GEMIN8: variants seen among roughly 807,000 people sequenced by gnomAD.
The protein encoded by GEMIN8 is gem nuclear organelle associated protein 8.
For synonymous variants in GEMIN8, 80 were observed against 78.5 expected (o/e 1.02, Z -0.10); for missense variants, 185 against 205.9 (o/e 0.90, Z 0.62).
At chrX:14,000,573 G>T in the GEMIN8 span, among the ~76,000 whole-genome samples, 5 of 107,513 alleles carry the variant, frequency 4.7e-5, no homozygotes, top group African/African-American at 1.7e-4. Flanking sequence ...CTCCAGCCTG[G>T]GTGACAGAGC....
At chrX:13,999,414 T>C in the GEMIN8 span, among the ~76,000 whole-genome samples, 1 of 109,460 alleles carries the variant, frequency 9.1e-6, no homozygotes, top group African/African-American at 3.3e-5. Context: ...GTAGCTGGGA[T>C]TACAGGCATG....
rs187471433 is a variant in GEMIN8 at position 14,024,283 on chromosome X, G to A, written c.-34+1857C>T. ...GGAGGCCGAGGTGGGTGGATCACCCGAGGTCAGGAGTTCAAGACCAGCCTG... is the reference window on the plus strand; with the variant it reads ...GGAGGCCGAGGTGGGTGGATCACCCAAGGTCAGGAGTTCAAGACCAGCCTG... On this transcript the variant is annotated intron_variant, in intron 2 of 4. Transcript: ENST00000680255. 6.4e-3 allele frequency among the ~76,000 whole-genome samples: 713 copies of A among 111,835 alleles called. 7 individuals carry two copies. Among genetic ancestry groups the A allele is most frequent in the African/African-American group, 0.022 (666 of 30,715 alleles).
rs750220396 is a variant in GEMIN8 at position 14,009,114 on chromosome X, G to A, written c.528C>T (p.His176=). 7 of 1,208,966 alleles carry A rather than the reference G, an allele frequency of 5.8e-6. No individual in the cohort carries two copies. Among genetic ancestry groups the A allele is most frequent in the Non-Finnish European group, 6.7e-6 (6 of 893,743 alleles). The change falls in exon 5 of 5, where the codon CAC becomes CAT. Residue 176 remains histidine (H), a synonymous_variant. Transcript: ENST00000680255. ...ACCGGCGGGTGTTGCAGTACAGGTC[G>A]TGGTCAGCGTTCACATAGCTGTCCA... The part of the protein sequence containing the change: ...ERLDSYVNAD[H]DLYCNTRRSV...
the GEMIN8 span, among the ~76,000 whole-genome samples, chrX:13,984,588 G>C: frequency 2.7e-4 from 30 of 111,453 alleles, 1 homozygote; most frequent in African/African-American, 9.9e-4. Context: ...GAAAAAATCT[G>C]CTGATCCCTG....
At chrX:14,021,262 G>T (rs1457432097) in intron 3 of GEMIN8, among the ~76,000 whole-genome samples, 1 of 73,479 alleles carries the variant, frequency 1.4e-5, no homozygotes, top group African/African-American at 5.2e-5. Flanking sequence ...GGGGGAGGGG[G>T]GAGGGATAGC....
At chrX:14,029,271 GAA>G (rs2147148583) in intron 1 of GEMIN8, 1 of 112,225 alleles carries the variant, frequency 8.9e-6, no homozygotes, top group African/African-American at 3.2e-5. Context: ...AGAAAAGAAA[GAA>G]ACCCGAATTT....
At chrX:14,011,389 G>T (rs1465452058) in intron 4 of GEMIN8, among the ~76,000 whole-genome samples, 2 of 110,890 alleles carry the variant, frequency 1.8e-5, no homozygotes, top group Non-Finnish European at 3.8e-5. Flanking sequence ...AGGAAAGGTA[G>T]AATTTGGCTA....
chrX:14,024,836 G>A (rs1277201120), intron 2 of GEMIN8, among the ~76,000 whole-genome samples: 4 of 111,915 alleles, frequency 3.6e-5, no homozygotes, highest in Non-Finnish European at 7.5e-5. Flanking sequence ...TGTTAATGAT[G>A]GAGTGCAAGA....
chrX:14,007,536 ATTG>A lies in GEMIN8; in HGVS notation c.*1374_*1376del, dbSNP rs1923226794. ...GCAGCAGTGACCAGGTTTGGGAATT[ATTG>A]TTCTTTTTTTTTTTTCTTTTGAGAT... On this transcript the variant is annotated 3_prime_UTR_variant, in exon 5 of 5. Transcript: ENST00000680255. Among the ~76,000 whole-genome samples, 1 of 109,370 alleles carries A rather than the reference ATTG, an allele frequency of 9.1e-6. No individual in the cohort carries two copies. Among genetic ancestry groups the A allele is most frequent in the Admixed American group, 9.8e-5 (1 of 10,238 alleles). 95.0% of individuals were successfully genotyped at this position (109,370 alleles called of 115,157 possible).
At chrX:14,015,569 G>A (rs1266619607) in intron 4 of GEMIN8, among the ~76,000 whole-genome samples, 1 of 112,053 alleles carries the variant, frequency 8.9e-6, no homozygotes, top group Non-Finnish European at 1.9e-5. Context: ...AGAACATACT[G>A]TCCAATCTGA....
At chrX:14,020,819 G>A (rs142755057) in intron 3 of GEMIN8, among the ~76,000 whole-genome samples, 3,809 of 111,029 alleles carry the variant, frequency 0.034, 77 homozygotes, top group African/African-American at 0.081. Flanking sequence ...GCTAGTGATC[G>A]TTTCTAGATG....
At chrX:13,996,285 C>G in the GEMIN8 span, among the ~76,000 whole-genome samples, 1 of 97,161 alleles carries the variant, frequency 1.0e-5, no homozygotes, top group East Asian at 2.8e-4. Flanking sequence ...CTGTGATTCT[C>G]AAAGTCATAA....
intron 4 of GEMIN8, among the ~76,000 whole-genome samples, chrX:14,018,390 C>T (rs912941696): frequency 8.9e-6 from 1 of 112,258 alleles, no homozygotes; most frequent in African/African-American, 3.2e-5. Flanking sequence ...TCAAAGTCAC[C>T]TTTGAGATGA....
intron 4 of GEMIN8, among the ~76,000 whole-genome samples, chrX:14,019,420 C>T (rs930087476): frequency 8.9e-6 from 1 of 111,744 alleles, no homozygotes; most frequent in African/African-American, 3.3e-5. Flanking sequence ...TTCTCTGACC[C>T]CATGGACAGG....
At chrX:14,024,000 C>T (rs1293438432) in intron 2 of GEMIN8, among the ~76,000 whole-genome samples, 1 of 112,331 alleles carries the variant, frequency 8.9e-6, no homozygotes, top group African/African-American at 3.2e-5. Context: ...TAGACAAAAT[C>T]TTGTTTTTAG....
chrX:13,986,841 C>T, the GEMIN8 span, among the ~76,000 whole-genome samples: 1 of 112,184 alleles, frequency 8.9e-6, no homozygotes, highest in Non-Finnish European at 1.9e-5. Flanking sequence ...TGGGATGTAC[C>T]TTCCATATGT....
rs768842731 is a variant in GEMIN8, at chrX:14,008,933, C to A, written c.709G>T (p.Val237Phe). 5 of 1,209,375 alleles carry A rather than the reference C, an allele frequency of 4.1e-6. No homozygotes were observed. The South Asian group carries it at 8.8e-5, about 21-fold the overall frequency. ...CDRKQPKYWP[V>F]IPLKF Reference sequence around the variant, plus strand: ...TGAGCTCAGAACTTCAGGGGGATGACCGGCCAGTACTTGGGCTGCTTTCGG... The same window carrying A: ...TGAGCTCAGAACTTCAGGGGGATGAACGGCCAGTACTTGGGCTGCTTTCGG... Residue 237 changes from valine (V) to phenylalanine (F), a missense_variant, in exon 5 of 5, where the codon GTC (valine) becomes TTC (phenylalanine). Physicochemically the swap from Val to Phe is conservative, Grantham distance 50. Transcript: ENST00000680255.
intron 4 of GEMIN8, among the ~76,000 whole-genome samples, chrX:14,010,676 G>A (rs1462105259): frequency 8.9e-6 from 1 of 112,047 alleles, no homozygotes; most frequent in Non-Finnish European, 1.9e-5. Flanking sequence ...TATTAAAAAT[G>A]TATGTGGCCA....
downstream of GEMIN8, among the ~76,000 whole-genome samples, chrX:14,005,001 C>G (rs182480272): frequency 3.3e-3 from 373 of 111,846 alleles, 1 homozygote; most frequent in African/African-American, 0.012. Context: ...GCCTGCCCCC[C>G]ATTGTGTGAT....
Sources: gnomAD v4.1 joint callset for allele counts (sites outside exome capture counted in the v4.1 genomes callset) on GRCh38, gnomAD v4.1.1 for gene constraint, MANE v1.5 for transcripts, NCBI Gene and HGNC (gene_info 2026-07-23, HGNC 2026-07-21) for gene names.